The following TEC variants were observed in gnomAD, a reference collection of about 807,000 sequenced individuals.
TEC encodes tec protein tyrosine kinase.
In TEC, 72 loss-of-function variants were observed where a neutral mutation model predicts 93.0. That is an observed-to-expected ratio of 0.77 (90% CI 0.64 to 0.94). The LOEUF (loss-of-function observed/expected upper bound fraction) is 0.94. Among genes scored for constraint, TEC ranks in the 40% least tolerant of loss-of-function variants. TEC has a pLI of 0.00. For missense variants in TEC, 630 were observed against 757.9 expected (o/e 0.83, Z 1.98); for synonymous variants, 249 against 247.7 (o/e 1.01, Z -0.05).
intron 2 of TEC, among the ~76,000 whole-genome samples, chr4:48,222,479 T>C (rs115420890): frequency 3.2e-4 from 48 of 152,002 alleles, no homozygotes; most frequent in African/African-American, 1.2e-3. Context: ...ATGCTTAATT[T>C]TATGTGTCAA....
At chr4:48,146,173 C>T (rs530965906) in intron 12 of TEC, 152 bp downstream of exon 12, 3 of 601,702 alleles carry the variant, frequency 5.0e-6, no homozygotes, top group Non-Finnish European at 8.4e-6. Flanking sequence ...ACCTAGGCTG[C>T]TATGGTCTTA....
At chr4:48,211,101 T>C (rs1455045366) in intron 2 of TEC, among the ~76,000 whole-genome samples, 1 of 152,244 alleles carries the variant, frequency 6.6e-6, no homozygotes, top group Non-Finnish European at 1.5e-5. Flanking sequence ...TCCTAGGTCA[T>C]GCAATTAATA....
intron 2 of TEC, among the ~76,000 whole-genome samples, chr4:48,206,494 T>A (rs572056031): frequency 6.6e-6 from 1 of 152,180 alleles, no homozygotes; most frequent in African/African-American, 2.4e-5. Context: ...AAACAAAATG[T>A]AGAAATAGGT....
Position 48,199,455 on chromosome 4 carries a change from C to CTTTTTTTTTTTTTTTT in TEC, c.139-23285_139-23270dup, listed in dbSNP as rs34965891. On this transcript the variant is annotated intron_variant, in intron 2 of 17. Transcript: ENST00000381501. ...CTGGGCTACAGAAAGGATTTTCTTT[C>CTTTTTTTTTTTTTTTT]TTTTTTTTTTTTTTTTTTTTTTTTT... 1.8e-3 allele frequency among the ~76,000 whole-genome samples: 123 copies of CTTTTTTTTTTTTTTTT among 67,360 alleles called. 7 individuals are homozygous for CTTTTTTTTTTTTTTTT. Among genetic ancestry groups the CTTTTTTTTTTTTTTTT allele is most frequent in the Non-Finnish European group, 2.7e-3 (105 of 38,662 alleles). The allele number at this position is 67,360 out of a possible 152,430, so 44.2% of individuals were successfully genotyped here. A position where few individuals can be genotyped will look rare whatever the true frequency, so the allele number is the denominator to read the frequency against.
At position 48,167,770 on chromosome 4, in the gene TEC, A is replaced by G. The variant is rs1422240230; in HGVS notation, c.671+8T>C. On this transcript the variant is annotated splice_region_variant and intron_variant, in intron 7 of 17. Transcript: ENST00000381501. ...ACTGCATATCACACACATAGAGGGA[A>G]TACTTACCCATATTTATCTCTTGCT... 2 of 1,613,322 alleles carry G rather than the reference A, an allele frequency of 1.2e-6. No homozygotes were observed. The highest frequency in any genetic ancestry group is 2.7e-5 in the African/African-American group (2 of 74,994).
chr4:48,215,278 G>A (rs1281063221), intron 2 of TEC, among the ~76,000 whole-genome samples: 2 of 152,222 alleles, frequency 1.3e-5, no homozygotes, highest in African/African-American at 2.4e-5. Context: ...AGGCTGAGGT[G>A]GGTGGATCAT....
intron 2 of TEC, among the ~76,000 whole-genome samples, chr4:48,197,772 C>T (rs1359572204): frequency 1.3e-5 from 2 of 152,196 alleles, no homozygotes; most frequent in African/African-American, 4.8e-5. Context: ...TTTTCATACC[C>T]AAAGCAGGGC....
rs983909688 is a variant in TEC, at chr4:48,180,148, G to A, written c.139-3962C>T. On this transcript the variant is annotated intron_variant, in intron 2 of 17. Transcript: ENST00000381501. ...CCTGTACGGTTAGGCTGGTGCAAAA[G>A]TAATTGTAATTTTTGCCATTAAAAG... Among the ~76,000 whole-genome samples, 3 of 152,064 alleles carry A rather than the reference G, an allele frequency of 2.0e-5. No individual in the cohort carries two copies. In the South Asian group the frequency reaches 6.2e-4, roughly 32 times the overall value.
chr4:48,179,359 TATATATATATATA>T (rs1465353586), intron 2 of TEC, among the ~76,000 whole-genome samples: 32 of 42,314 alleles, frequency 7.6e-4, no homozygotes, highest in South Asian at 2.0e-3. Flanking sequence ...TATATATATA[TATATATATATATA>T]TATATTTTTT....
At chr4:48,194,259 G>A (rs965114108) in intron 2 of TEC, among the ~76,000 whole-genome samples, 1 of 152,222 alleles carries the variant, frequency 6.6e-6, no homozygotes. Context: ...ACAAAGAAGA[G>A]CCCCACTCCC....
At chr4:48,179,347 TATATATATATATATATATATATATATATA>T (rs1721465935) in intron 2 of TEC, among the ~76,000 whole-genome samples, 1 of 27,356 alleles carries the variant, frequency 3.7e-5, no homozygotes, top group Admixed American at 4.1e-4. Context: ...AGTATATATA[TATATATATATATATATATATATATATATA>T]TTTTTTTTTT....
chr4:48,184,773 A>G (rs998432222), intron 2 of TEC, among the ~76,000 whole-genome samples: 2 of 86,028 alleles, frequency 2.3e-5, no homozygotes, highest in Non-Finnish European at 4.7e-5. Flanking sequence ...AAAAAAATAC[A>G]CACACACACA....
At chr4:48,268,841 C>A (rs1724707257) in intron 1 of TEC, among the ~76,000 whole-genome samples, 1 of 152,198 alleles carries the variant, frequency 6.6e-6, no homozygotes, top group Admixed American at 6.5e-5. Context: ...TCCAAGTTAA[C>A]ATTAAGATCA....
chr4:48,177,330 A>T (rs1961973), intron 2 of TEC, among the ~76,000 whole-genome samples: 17,809 of 152,304 alleles, frequency 0.12, 1,322 homozygotes, highest in East Asian at 0.33. Flanking sequence ...CTTTTTCTTC[A>T]TTGGTAGGTA....
intron 2 of TEC, among the ~76,000 whole-genome samples, chr4:48,220,743 T>C (rs1406024471): frequency 2.0e-5 from 3 of 152,152 alleles, no homozygotes; most frequent in Non-Finnish European, 4.4e-5. Flanking sequence ...TCTCCTATAC[T>C]CTCTCAGCAC....
At chr4:48,153,276 A>G (rs1720252609) in intron 9 of TEC, among the ~76,000 whole-genome samples, 1 of 152,186 alleles carries the variant, frequency 6.6e-6, no homozygotes. Context: ...ATGATCAATC[A>G]GGAAGAAAGC....
At chr4:48,239,786 AAG>A (rs976835825) in intron 1 of TEC, among the ~76,000 whole-genome samples, 2 of 152,146 alleles carry the variant, frequency 1.3e-5, no homozygotes, top group Non-Finnish European at 2.9e-5. Flanking sequence ...ACAAAAATAA[AAG>A]AGAGAGATTC....
intron 2 of TEC, among the ~76,000 whole-genome samples, chr4:48,208,931 G>T (rs1416695569): frequency 6.6e-6 from 1 of 152,198 alleles, no homozygotes; most frequent in African/African-American, 2.4e-5. Context: ...GTCTGTGGGT[G>T]CCTTCCAAGT....
chr4:48,186,139 G>A (rs1246625854), intron 2 of TEC, among the ~76,000 whole-genome samples: 6 of 152,222 alleles, frequency 3.9e-5, no homozygotes, highest in Non-Finnish European at 5.9e-5. Flanking sequence ...GATTGCAGAC[G>A]GAGTCTCGCT....
Sources: gnomAD v4.1 joint callset for allele counts (sites outside exome capture counted in the v4.1 genomes callset) on GRCh38, gnomAD v4.1.1 for gene constraint, MANE v1.5 for transcripts, NCBI Gene and HGNC (gene_info 2026-07-23, HGNC 2026-07-21) for gene names.